EYA2: variants seen among roughly 807,000 people sequenced by gnomAD.
The protein encoded by EYA2 is EYA transcriptional coactivator and phosphatase 2, also known as protein phosphatase EYA2.
EYA2 carries 31 observed loss-of-function variants against 69.2 expected under a neutral mutation model. The ratio of observed to expected loss-of-function variants is 0.45; its 90% CI spans 0.34 to 0.60. The LOEUF (loss-of-function observed/expected upper bound fraction) is 0.60. EYA2 is among the 20% of genes least tolerant of loss of function. The probability of loss-of-function intolerance (pLI) is 0.02; values close to 1 mark genes in which losing one functional copy is unlikely to be tolerated. For synonymous variants in EYA2, 257 were observed against 279.4 expected (o/e 0.92, Z 0.80); for missense variants, 622 against 701.2 (o/e 0.89, Z 1.28).
intron 1 of EYA2, among the ~76,000 whole-genome samples, chr20:46,964,162 G>T (rs11907839): frequency 1.3e-5 from 2 of 152,200 alleles, no homozygotes; most frequent in African/African-American, 4.8e-5. Context: ...TGCAAAACAG[G>T]TTTCTTACTG....
At chr20:47,152,554 G>A (rs937416593) in intron 10 of EYA2, among the ~76,000 whole-genome samples, 1 of 151,896 alleles carries the variant, frequency 6.6e-6, no homozygotes, top group African/African-American at 2.4e-5. Context: ...GCTCACGCCA[G>A]TAATCCCAGC....
intron 9 of EYA2, among the ~76,000 whole-genome samples, chr20:47,135,759 A>T (rs1220372148): frequency 6.9e-6 from 1 of 145,676 alleles, no homozygotes; most frequent in Non-Finnish European, 1.5e-5. Flanking sequence ...AGGCAGGAGG[A>T]TCACTTGAGG....
rs565389892 is a variant in EYA2, at chr20:47,044,714, C to G, written c.416-27471C>G. ...CTTAACTAACATTCTCTCATTTCATCTCACAAAAATCCTATCTATAATTAC... is the reference window on the plus strand; with the variant it reads ...CTTAACTAACATTCTCTCATTTCATGTCACAAAAATCCTATCTATAATTAC... On this transcript the variant is annotated intron_variant, in intron 5 of 15. Transcript: ENST00000327619. 1.9e-4 allele frequency among the ~76,000 whole-genome samples: 29 copies of G among 152,294 alleles called. No homozygotes were observed. In the South Asian group the frequency reaches 5.8e-3, roughly 30 times the overall value.
intron 10 of EYA2, chr20:47,161,319 A>G (rs1163518435): frequency 9.9e-6 from 5 of 506,194 alleles, no homozygotes; most frequent in South Asian, 1.8e-5. Flanking sequence ...CCAGATCGAC[A>G]TACCATTATA....
intron 1 of EYA2, among the ~76,000 whole-genome samples, chr20:46,921,700 C>T (rs566435476): frequency 1.3e-5 from 2 of 152,258 alleles, no homozygotes; most frequent in South Asian, 4.1e-4. Flanking sequence ...GGGAAGCCTG[C>T]CTGAAACTAA....
chr20:47,183,244 C>G, intron 14 of EYA2, 47 bp from the exon 15 acceptor site: 1 of 1,581,174 alleles, frequency 6.3e-7, no homozygotes, highest in South Asian at 1.1e-5. Flanking sequence ...GGCTGCAATC[C>G]GGGGTCCTCA....
intron 1 of EYA2, among the ~76,000 whole-genome samples, chr20:46,986,412 A>AATATCTATATATATAATATATAAATCTAT (rs1265493059): frequency 1.0e-4 from 15 of 145,816 alleles, no homozygotes; most frequent in South Asian, 4.2e-4. Context: ...AGATCTATAT[A>AATATCTATATATATAATATATAAATCTAT]ATATCTATAT....
At chr20:47,113,100 C>G (rs913033547) in intron 9 of EYA2, among the ~76,000 whole-genome samples, 1 of 151,812 alleles carries the variant, frequency 6.6e-6, no homozygotes, top group Non-Finnish European at 1.5e-5. Context: ...CTTGAACCCC[C>G]GACCTCAAGT....
At chr20:47,042,670 A>C (rs1392740495) in intron 5 of EYA2, among the ~76,000 whole-genome samples, 1 of 152,196 alleles carries the variant, frequency 6.6e-6, no homozygotes, top group Non-Finnish European at 1.5e-5. Flanking sequence ...AGCCACCAGC[A>C]ACAGAGAACC....
chr20:46,943,659 A>G (rs1986246962), intron 1 of EYA2, among the ~76,000 whole-genome samples: 1 of 152,142 alleles, frequency 6.6e-6, no homozygotes, highest in Non-Finnish European at 1.5e-5. Flanking sequence ...TCCCTGAAGG[A>G]TTTCAAGCAC....
chr20:47,014,669 T>TGTGTGTGC (rs1555812539), intron 4 of EYA2, among the ~76,000 whole-genome samples: 1 of 147,794 alleles, frequency 6.8e-6, no homozygotes, highest in African/African-American at 2.5e-5. Flanking sequence ...TGTGTGTGTG[T>TGTGTGTGC]GGTGTGATGA....
chr20:47,108,802 C>A (rs533990537), intron 9 of EYA2, among the ~76,000 whole-genome samples: 1 of 151,968 alleles, frequency 6.6e-6, no homozygotes, highest in Non-Finnish European at 1.5e-5. Flanking sequence ...CGATCCTCCC[C>A]CCTCAGCTTT....
chr20:46,926,746 C>T (rs972897861), intron 1 of EYA2, among the ~76,000 whole-genome samples: 1 of 152,182 alleles, frequency 6.6e-6, no homozygotes, highest in Admixed American at 6.5e-5. Flanking sequence ...AGAAATGAGA[C>T]TTTTCCACTA....
chr20:47,053,306 G>A (rs1199699579), intron 5 of EYA2, among the ~76,000 whole-genome samples: 3 of 152,168 alleles, frequency 2.0e-5, no homozygotes, highest in Non-Finnish European at 4.4e-5. Flanking sequence ...TATGAAAAGC[G>A]AATGCCACGG....
At chr20:47,052,056 T>C (rs757189063) in intron 5 of EYA2, among the ~76,000 whole-genome samples, 12 of 152,172 alleles carry the variant, frequency 7.9e-5, no homozygotes, top group Non-Finnish European at 1.6e-4. Flanking sequence ...ACTCCTTTTT[T>C]TCCCCCCAGA....
At chr20:47,094,545 A>G (rs937741928) in intron 8 of EYA2, among the ~76,000 whole-genome samples, 3 of 152,232 alleles carry the variant, frequency 2.0e-5, no homozygotes, top group Non-Finnish European at 4.4e-5. Flanking sequence ...TAACTTTCAA[A>G]GGCATGGCAA....
At chr20:47,106,714 C>T (rs2032589560) in intron 9 of EYA2, among the ~76,000 whole-genome samples, 1 of 152,124 alleles carries the variant, frequency 6.6e-6, no homozygotes, top group African/African-American at 2.4e-5. Context: ...CTTCCTGGCA[C>T]ACGTGGCAGG....
At chr20:46,998,580 A>G (rs1982169500) in intron 2 of EYA2, 1 of 152,024 alleles carries the variant, frequency 6.6e-6, no homozygotes, top group Non-Finnish European at 1.5e-5. Flanking sequence ...GAGAATCTCC[A>G]CCCTTGACAG....
At chr20:47,125,876 T>TTG (rs1302037561) in intron 9 of EYA2, among the ~76,000 whole-genome samples, 13 of 149,888 alleles carry the variant, frequency 8.7e-5, no homozygotes, top group Admixed American at 6.8e-4. Flanking sequence ...TTTTGTGTGT[T>TTG]TGTGTGTGTT....
Sources: allele counts gnomAD v4.1 joint callset (sites outside exome capture counted in the v4.1 genomes callset), GRCh38; gene constraint gnomAD v4.1.1; transcripts MANE v1.5; gene names NCBI Gene and HGNC (gene_info 2026-07-23, HGNC 2026-07-21).